MAGI3: variants seen among roughly 807,000 people sequenced by gnomAD.
MAGI3 encodes membrane-associated guanylate kinase, WW and PDZ domain-containing protein 3.
In MAGI3, 43 loss-of-function variants were observed where a neutral mutation model predicts 121.8. The observed-to-expected ratio is 0.35, with a 90% CI of 0.28 to 0.46. MAGI3 has a LOEUF of 0.46. MAGI3 is among the 20% of genes least tolerant of loss of function. The pLI is 1.00. For missense variants in MAGI3, 1,547 were observed against 1,797.3 expected (o/e 0.86, Z 2.52); for synonymous variants, 553 against 639.3 (o/e 0.86, Z 2.04).
At chr1:113,597,860 G>T (rs1232544403) in intron 6 of MAGI3, among the ~76,000 whole-genome samples, 3 of 152,170 alleles carry the variant, frequency 2.0e-5, no homozygotes, top group African/African-American at 7.2e-5. Context: ...GGTAAAAGGA[G>T]TTCTAAATCT....
At chr1:113,425,774 A>G (rs1652978930) in intron 1 of MAGI3, among the ~76,000 whole-genome samples, 1 of 152,042 alleles carries the variant, frequency 6.6e-6, no homozygotes, top group African/African-American at 2.4e-5. Flanking sequence ...CATTCCTGAC[A>G]TTGGTGATTT....
chr1:113,494,538 G>GA (rs1463986359), intron 1 of MAGI3, among the ~76,000 whole-genome samples: 2 of 152,160 alleles, frequency 1.3e-5, no homozygotes, highest in Non-Finnish European at 2.9e-5. Context: ...AATGGTTATT[G>GA]AAAAATCTTA....
intron 3 of MAGI3, among the ~76,000 whole-genome samples, chr1:113,584,868 A>G (rs541649208): frequency 7.2e-5 from 11 of 152,064 alleles, no homozygotes; most frequent in Non-Finnish European, 1.5e-4. Context: ...TGTGAAGAGC[A>G]CTTGAGAAAT....
intron 6 of MAGI3, among the ~76,000 whole-genome samples, chr1:113,610,123 T>G (rs963456330): frequency 2.6e-5 from 4 of 152,036 alleles, no homozygotes; most frequent in African/African-American, 7.2e-5. Flanking sequence ...CAAAGCGTTT[T>G]TTTGTTTGTT....
At chr1:113,444,829 A>G (rs1047592450) in intron 1 of MAGI3, among the ~76,000 whole-genome samples, 1 of 152,220 alleles carries the variant, frequency 6.6e-6, no homozygotes. Flanking sequence ...AAAGATGCTT[A>G]GGGAACTAAA....
At chr1:113,634,582 C>G (rs1651881096) in intron 9 of MAGI3, among the ~76,000 whole-genome samples, 1 of 152,110 alleles carries the variant, frequency 6.6e-6, no homozygotes. Context: ...CTGTTCTGTT[C>G]CATTGATCTA....
chr1:113,616,283 G>A (rs1231310859), intron 7 of MAGI3, among the ~76,000 whole-genome samples: 1 of 152,194 alleles, frequency 6.6e-6, no homozygotes. Context: ...TCATTTTACA[G>A]GAGGGTTTTG....
At position 113,564,787 on chromosome 1, in the gene MAGI3, G is replaced by A. The variant is rs987345340; in HGVS notation, c.433+15156G>A. Reference sequence around the variant, plus strand: ...TAAAATTTGAAAGATAATCACATACGTATTTAGTATTTGAATTTTTCATAC... The same window carrying A: ...TAAAATTTGAAAGATAATCACATACATATTTAGTATTTGAATTTTTCATAC... On this transcript the variant is annotated intron_variant, in intron 2 of 20. Coordinates refer to ENST00000307546, the MANE Select transcript of MAGI3 (RefSeq NM_001142782.2). Among the ~76,000 whole-genome samples, 9 of 151,686 alleles carry A rather than the reference G, an allele frequency of 5.9e-5. No homozygotes were observed. In the South Asian group the frequency reaches 8.3e-4, roughly 14 times the overall value.
chr1:113,651,231 A>G, intron 14 of MAGI3, 25 bp downstream of exon 14: 1 of 1,570,650 alleles, frequency 6.4e-7, no homozygotes, highest in Non-Finnish European at 8.6e-7. Flanking sequence ...TCCTGCTCTG[A>G]AAAGTTAAAA....
Position 113,416,342 on chromosome 1 carries a change from T to C in MAGI3, c.316+24993T>C, listed in dbSNP as rs947668799. On this transcript the variant is annotated intron_variant, in intron 1 of 20. Transcript: ENST00000307546. ...TGTAATTAATTATATATCAATCATA[T>C]ATTAATTATATATTAATTTATATTA... Among the ~76,000 whole-genome samples, 26 of 50,276 alleles carry C rather than the reference T, an allele frequency of 5.2e-4. 2 individuals are homozygous for C. The highest frequency in any genetic ancestry group is 1.5e-3 in the African/African-American group (22 of 14,478). The allele number at this position is 50,276 out of a possible 152,430, so 33.0% of individuals were successfully genotyped here.
chr1:113,454,095 T>C (rs1344351102), intron 1 of MAGI3, among the ~76,000 whole-genome samples: 1 of 152,232 alleles, frequency 6.6e-6, no homozygotes, highest in Non-Finnish European at 1.5e-5. Flanking sequence ...GTTAACAGTA[T>C]GCCACTAAAT....
At chr1:113,450,450 G>A (rs1159275328) in intron 1 of MAGI3, 14 of 1,115,696 alleles carry the variant, frequency 1.3e-5, no homozygotes, top group Non-Finnish European at 1.9e-5. Flanking sequence ...TATAGTAGTA[G>A]AGGGGGCTAT....
At chr1:113,424,046 G>T (rs1652870422) in intron 1 of MAGI3, among the ~76,000 whole-genome samples, 3 of 152,124 alleles carry the variant, frequency 2.0e-5, no homozygotes, top group Admixed American at 2.0e-4. Flanking sequence ...AGAGCGCAAG[G>T]ATACCCAGTC....
chr1:113,652,144 T>C (rs1653204264), intron 14 of MAGI3, among the ~76,000 whole-genome samples: 1 of 152,162 alleles, frequency 6.6e-6, no homozygotes. Context: ...AGCATTAGGA[T>C]ATGAATATCT....
At chr1:113,559,646 C>T (rs1660142742) in intron 2 of MAGI3, among the ~76,000 whole-genome samples, 1 of 151,830 alleles carries the variant, frequency 6.6e-6, no homozygotes, top group Non-Finnish European at 1.5e-5. Context: ...TGGCTCACTG[C>T]AGCCTCCGCC....
chr1:113,541,263 T>C lies in MAGI3; in HGVS notation c.317-8252T>C, dbSNP rs182169016. Among the ~76,000 whole-genome samples, 6 of 152,318 alleles carry C rather than the reference T, an allele frequency of 3.9e-5. No individual in the cohort carries two copies. The East Asian group carries it at 9.6e-4, about 24-fold the overall frequency. On this transcript the variant is annotated intron_variant, in intron 1 of 20. Coordinates refer to ENST00000307546, the MANE Select transcript of MAGI3 (RefSeq NM_001142782.2). Reference sequence around the variant, plus strand: ...GCCCCTTCCAGGAACCTATGGAAAGTGGACACTCCCATTTTAATGTTTACT... The same window carrying C: ...GCCCCTTCCAGGAACCTATGGAAAGCGGACACTCCCATTTTAATGTTTACT...
At chr1:113,659,388 G>C in intron 16 of MAGI3, 123 bp downstream of exon 16, 1 of 811,168 alleles carries the variant, frequency 1.2e-6, no homozygotes, top group African/African-American at 1.8e-5. Flanking sequence ...ATGCACGCTG[G>C]AGTCTTATTC....
At chr1:113,525,265 TTCTC>T (rs1030733598) in intron 1 of MAGI3, among the ~76,000 whole-genome samples, 22 of 152,320 alleles carry the variant, frequency 1.4e-4, no homozygotes, top group African/African-American at 3.6e-4. Flanking sequence ...TTTTTATTCT[TTCTC>T]TCTCTGTTTA....
At chr1:113,410,712 A>C (rs1016986950) in intron 1 of MAGI3, among the ~76,000 whole-genome samples, 4 of 152,024 alleles carry the variant, frequency 2.6e-5, no homozygotes, top group Admixed American at 6.6e-5. Context: ...ATTGTTAACT[A>C]TACAGGAAAC....
Sources: gnomAD v4.1 joint callset for allele counts (sites outside exome capture counted in the v4.1 genomes callset) on GRCh38, gnomAD v4.1.1 for gene constraint, MANE v1.5 for transcripts, NCBI Gene and HGNC (gene_info 2026-07-23, HGNC 2026-07-21) for gene names.